Variants in NALF1 observed in about 807,000 individuals in gnomAD.
NALF1 encodes the protein NALCN channel auxiliary factor 1.
Under a neutral mutation model 48.4 loss-of-function variants are expected in NALF1, and 3 were observed. The ratio of observed to expected loss-of-function variants is 0.06; its 90% CI spans 0.03 to 0.16. The LOEUF is 0.16. Among genes scored for constraint, NALF1 ranks in the 10% least tolerant of loss-of-function variants. The pLI is 1.00. For synonymous variants in NALF1, 262 were observed against 245.7 expected, an observed-to-expected ratio of 1.07 and a Z score of -0.62; for missense variants, 526 against 571.5, an observed-to-expected ratio of 0.92 and a Z score of 0.81.
chr13:107,398,578 A>AT (rs897275170), intron 1 of NALF1, among the ~76,000 whole-genome samples: 5 of 152,078 alleles, frequency 3.3e-5, no homozygotes, highest in African/African-American at 9.7e-5. Context: ...TTGGAAATTG[A>AT]TTTTTTTCAT....
At chr13:107,320,753 A>G (rs1376480407) in intron 1 of NALF1, 1 of 152,140 alleles carries the variant, frequency 6.6e-6, no homozygotes, top group Admixed American at 6.6e-5. Context: ...ATTTCCTCTT[A>G]TAACAAAAGC....
intron 1 of NALF1, among the ~76,000 whole-genome samples, chr13:107,580,593 G>T (rs1332258272): frequency 2.0e-5 from 3 of 152,226 alleles, no homozygotes; most frequent in Non-Finnish European, 4.4e-5. Context: ...CGGTATGTCA[G>T]ATTTTTGACT....
At chr13:107,595,437 A>T (rs1878717084) in intron 1 of NALF1, among the ~76,000 whole-genome samples, 1 of 152,136 alleles carries the variant, frequency 6.6e-6, no homozygotes, top group South Asian at 2.1e-4. Flanking sequence ...CACTAGAAAC[A>T]CAGTGGTATA....
chr13:107,301,391 A>G (rs1346288262), intron 1 of NALF1, among the ~76,000 whole-genome samples: 4 of 152,248 alleles, frequency 2.6e-5, no homozygotes, highest in Non-Finnish European at 5.9e-5. Flanking sequence ...AAATATAGGC[A>G]GCTGTTGAAA....
At chr13:107,763,553 C>T (rs1193142806) in intron 1 of NALF1, among the ~76,000 whole-genome samples, 1 of 151,386 alleles carries the variant, frequency 6.6e-6, no homozygotes, top group Non-Finnish European at 1.5e-5. Context: ...CATTAAATGC[C>T]CTTCAAAAAT....
At chr13:107,278,198 G>A (rs74114092) in intron 1 of NALF1, among the ~76,000 whole-genome samples, 1 of 152,166 alleles carries the variant, frequency 6.6e-6, no homozygotes, top group Non-Finnish European at 1.5e-5. Context: ...TCATTGGCTG[G>A]ATTGTTTTAT....
At chr13:107,299,438 T>C (rs1283806679) in intron 1 of NALF1, among the ~76,000 whole-genome samples, 1 of 64,086 alleles carries the variant, frequency 1.6e-5, no homozygotes, top group Non-Finnish European at 3.9e-5. Context: ...TTTGTCTCAA[T>C]AATAATAATA....
chr13:107,468,498 T>A (rs1885045060), intron 1 of NALF1, among the ~76,000 whole-genome samples: 1 of 152,208 alleles, frequency 6.6e-6, no homozygotes, highest in Non-Finnish European at 1.5e-5. Context: ...TTGATCCACT[T>A]CAATTGTGTG....
chr13:107,525,945 G>C (rs1047602608), intron 1 of NALF1, among the ~76,000 whole-genome samples: 3 of 151,968 alleles, frequency 2.0e-5, no homozygotes. Context: ...ATTTCATAAA[G>C]TGTCTGTACA....
intron 2 of NALF1, among the ~76,000 whole-genome samples, chr13:107,185,999 T>C (rs879294779): frequency 1.4e-4 from 22 of 152,212 alleles, no homozygotes; most frequent in Non-Finnish European, 2.8e-4. Flanking sequence ...CTAAATTACA[T>C]GCTGTTCTGA....
In NALF1 at chr13:107,170,347, T is replaced by C. The variant is rs1878772365; in HGVS notation, c.*150A>G. 2 of 659,358 alleles carry C rather than the reference T, an allele frequency of 3.0e-6. No homozygotes were observed. The highest frequency in any genetic ancestry group is 5.0e-6 in the Non-Finnish European group (2 of 400,216). 40.8% of individuals were successfully genotyped at this position (659,358 alleles called of 1,614,324 possible). A position where few individuals can be genotyped will look rare whatever the true frequency, so the allele number is the denominator to read the frequency against. On this transcript the variant is annotated 3_prime_UTR_variant, in exon 3 of 3. Coordinates refer to ENST00000375915, the MANE Select transcript of NALF1 (RefSeq NM_001080396.3). Reference sequence around the variant, plus strand: ...TAAAAAGCTGTGGTTGTGTCCTTGTTTGGATTCAGGCCCATCTGTTTAAAT... The same window carrying C: ...TAAAAAGCTGTGGTTGTGTCCTTGTCTGGATTCAGGCCCATCTGTTTAAAT...
chr13:107,826,058 C>A (rs1879506717), intron 1 of NALF1, among the ~76,000 whole-genome samples: 1 of 152,186 alleles, frequency 6.6e-6, no homozygotes, highest in African/African-American at 2.4e-5. Flanking sequence ...GGATTACAGG[C>A]GTGAGCCACC....
chr13:107,753,542 G>A (rs954356133), intron 1 of NALF1, among the ~76,000 whole-genome samples: 2 of 150,092 alleles, frequency 1.3e-5, no homozygotes, highest in Non-Finnish European at 3.0e-5. Context: ...AATACAAAGC[G>A]ATGTTTGCAA....
chr13:107,715,750 C>G (rs1594224658), intron 1 of NALF1, among the ~76,000 whole-genome samples: 1 of 152,154 alleles, frequency 6.6e-6, no homozygotes, highest in Non-Finnish European at 1.5e-5. Flanking sequence ...AGGCCTCTCA[C>G]GTCTTTACAC....
chr13:107,364,250 C>G (rs970137819), intron 1 of NALF1, among the ~76,000 whole-genome samples: 3 of 152,114 alleles, frequency 2.0e-5, no homozygotes, highest in Admixed American at 6.5e-5. Context: ...TTGATCTAAT[C>G]ATCTTATATA....
intron 1 of NALF1, among the ~76,000 whole-genome samples, chr13:107,354,329 A>C (rs1882925397): frequency 6.6e-6 from 1 of 152,058 alleles, no homozygotes; most frequent in Admixed American, 6.6e-5. Flanking sequence ...TGGGCCATGC[A>C]GGAGGAAAGG....
intron 1 of NALF1, among the ~76,000 whole-genome samples, chr13:107,735,659 G>T (rs1876447151): frequency 6.6e-6 from 1 of 152,170 alleles, no homozygotes; most frequent in African/African-American, 2.4e-5. Context: ...GAATCTTTTG[G>T]ACTGAAATAC....
chr13:107,284,615 T>C (rs1881455217), intron 1 of NALF1, among the ~76,000 whole-genome samples: 2 of 152,146 alleles, frequency 1.3e-5, no homozygotes, highest in African/African-American at 2.4e-5. Flanking sequence ...CTAACTCCAA[T>C]GTGATGGCAT....
intron 1 of NALF1, among the ~76,000 whole-genome samples, chr13:107,657,182 T>A (rs202231859): frequency 4.7e-5 from 7 of 149,336 alleles, no homozygotes; most frequent in Admixed American, 1.3e-4. Flanking sequence ...AAAAAAAAAA[T>A]TAAACAAAAA....
Sources: allele counts gnomAD v4.1 joint callset (sites outside exome capture counted in the v4.1 genomes callset), GRCh38; gene constraint gnomAD v4.1.1; transcripts MANE v1.5; gene names NCBI Gene and HGNC (gene_info 2026-07-23, HGNC 2026-07-21).